Variants in RPL37 observed in about 807,000 individuals in gnomAD.
The protein encoded by RPL37 is ribosomal protein L37, also known as large ribosomal subunit protein eL37.
Under a neutral mutation model 14.8 loss-of-function variants are expected in RPL37, and 1 was observed. The ratio of observed to expected loss-of-function variants is 0.07; its 90% confidence interval spans 0.02 to 0.32. The LOEUF (loss-of-function observed/expected upper bound fraction) is 0.32, where lower values mean the gene tolerates loss of function less well. Among genes scored for constraint, RPL37 ranks in the 10% least tolerant of loss-of-function variants. RPL37 has a pLI of 1.00. For missense variants in RPL37, 100 were observed against 128.3 expected (o/e 0.78, Z 1.06); for synonymous variants, 53 against 45.8 (o/e 1.16, Z -0.63).
In RPL37 at chr5:40,828,316, C is replaced by CT. The variant is rs1745561827; in HGVS notation, c.*4187dup. Reference sequence around the variant, plus strand: ...TATCTGCAATTGTCTATTATGTCACCTTCCACAAACATACATACAGTATAT... The same window carrying CT: ...TATCTGCAATTGTCTATTATGTCACCTTTCCACAAACATACATACAGTATAT... On this transcript the variant is annotated 3_prime_UTR_variant, in exon 4 of 4. Transcript: ENST00000274242. 1 of 152,174 alleles carries CT rather than the reference C, an allele frequency of 6.6e-6. No individual in the cohort carries two copies. The highest frequency in any genetic ancestry group is 1.5e-5 in the Non-Finnish European group (1 of 68,042). 9.4% of individuals were successfully genotyped at this position (152,174 alleles called of 1,614,324 possible). A position where few individuals can be genotyped will look rare whatever the true frequency, so the allele number is the denominator to read the frequency against.
At chr5:40,834,329 AAC>A (rs1745714958) in intron 2 of RPL37, 64 bp from the exon 3 acceptor site, 6 of 1,569,318 alleles carry the variant, frequency 3.8e-6, no homozygotes, top group Admixed American at 3.4e-5. Flanking sequence ...AGGTGTTGTT[AAC>A]ACACGAGTTT....
chr5:40,835,205 C>G lies in RPL37; in HGVS notation c.-20G>C. ...CACCATCTCGCTTCTGCGGCCGAGACCAGAAAGACCGGAAGAGAAGGCACT... is the reference window on the plus strand; with the variant it reads ...CACCATCTCGCTTCTGCGGCCGAGAGCAGAAAGACCGGAAGAGAAGGCACT... On this transcript the variant is annotated 5_prime_UTR_variant, in exon 1 of 4. Coordinates refer to ENST00000274242, the MANE Select transcript of RPL37 (RefSeq NM_000997.5). The G allele has an allele frequency of 2.5e-6, 4 of 1,613,962 alleles. No individual in the cohort carries two copies. The highest frequency in any genetic ancestry group is 3.4e-6 in the Non-Finnish European group (4 of 1,179,950).
At position 40,827,093 on chromosome 5, in the gene RPL37, G is replaced by A. The variant is rs957030289; in HGVS notation, c.*5411C>T. The stretch of plus-strand genomic sequence containing the variant: ...CGAACCTGGCAGAGTATTTTAAATT[G>A]AGATGGGTCCATCAGATACAAGGAT... On this transcript the variant is annotated 3_prime_UTR_variant, in exon 4 of 4. Transcript: ENST00000274242. The A allele has an allele frequency of 6.6e-6, 1 of 152,166 alleles. No individual in the cohort carries two copies. The highest frequency in any genetic ancestry group is 1.5e-5 in the Non-Finnish European group (1 of 68,062). 9.4% of individuals were successfully genotyped at this position (152,166 alleles called of 1,614,324 possible). A position where few individuals can be genotyped will look rare whatever the true frequency, so the allele number is the denominator to read the frequency against.
rs1028740765 is a variant in RPL37 at position 40,825,397 on chromosome 5, T to C, written c.*7107A>G. On this transcript the variant is annotated 3_prime_UTR_variant, in exon 4 of 4. Transcript: ENST00000274242. ...TGCCTTTGCAAAACAAATGGAGATA[T>C]ATCAACTCTCATACAATTCTAAAAG... 2 of 152,232 alleles carry C rather than the reference T, an allele frequency of 1.3e-5. No homozygotes were observed. Among genetic ancestry groups the C allele is most frequent in the African/African-American group, 2.4e-5 (1 of 41,462 alleles). The allele number at this position is 152,232 out of a possible 1,614,324, so 9.4% of individuals were successfully genotyped here. A position where few individuals can be genotyped will look rare whatever the true frequency, so the allele number is the denominator to read the frequency against.
At chr5:40,832,645 A>G in intron 3 of RPL37, 72 bp from the exon 4 acceptor site, 1 of 1,107,332 alleles carries the variant, frequency 9.0e-7, no homozygotes, top group Non-Finnish European at 1.4e-6. Context: ...TTTGTTAAAC[A>G]GATTTCAATG....
intron 3 of RPL37, chr5:40,833,877 T>C: frequency 3.2e-6 from 1 of 312,164 alleles, no homozygotes; most frequent in Admixed American, 4.8e-5. Context: ...TATCCCATTC[T>C]CTACAATAAA....
Position 40,834,171 on chromosome 5 carries a change from C to T in RPL37, c.224+10G>A, listed in dbSNP as rs372022873. The T allele has an allele frequency of 2.0e-4, 316 of 1,601,280 alleles. No individual in the cohort carries two copies. The highest frequency in any genetic ancestry group is 2.5e-4 in the Non-Finnish European group (296 of 1,168,346). ...ACTGGACCAATTATGATCGAACATA[C>T]AAACTGTACCTGAATCTGCGGTATA... On this transcript the variant is annotated intron_variant, in intron 3 of 3. Transcript: ENST00000274242.
chr5:40,834,520 C>T lies in RPL37; in HGVS notation c.90G>A (p.Gln30=). ...AGCCACATTTGCCACAGGTCGACTT[C>T]TGAAGGTGGTAGGCCTTAGAGCCAC... is the stretch of plus-strand genomic sequence containing the variant. ...RRCGSKAYHL[Q]KSTCGKCGYP... The change falls in exon 2 of 4, where the codon CAG becomes CAA. Residue 30 remains glutamine (Q), a synonymous_variant. Coordinates refer to ENST00000274242, the MANE Select transcript of RPL37 (RefSeq NM_000997.5). 2 of 1,614,096 alleles carry T rather than the reference C, an allele frequency of 1.2e-6. No homozygotes were observed. The highest frequency in any genetic ancestry group is 1.7e-6 in the Non-Finnish European group (2 of 1,180,030).
In RPL37 at chr5:40,829,222, T is replaced by C. The variant is rs965648552; in HGVS notation, c.*3282A>G. ...GCCCCACAGCCACTGCCTTAGTCTG[T>C]CATGATTTTCACATGAACTATTTAA... is the stretch of plus-strand genomic sequence containing the variant. On this transcript the variant is annotated 3_prime_UTR_variant, in exon 4 of 4. Coordinates refer to ENST00000274242, the MANE Select transcript of RPL37 (RefSeq NM_000997.5). 1.3e-5 allele frequency: 2 copies of C among 152,242 alleles called. No homozygotes were observed. The highest frequency in any genetic ancestry group is 4.8e-5 in the African/African-American group (2 of 41,466). 9.4% of individuals were successfully genotyped at this position (152,242 alleles called of 1,614,324 possible).
chr5:40,833,979 A>C (rs1445385876), intron 3 of RPL37: 2 of 567,210 alleles, frequency 3.5e-6, no homozygotes, highest in Non-Finnish European at 6.3e-6. Context: ...GGGGAGACTG[A>C]GGCTGCACTG....
Position 40,832,425 on chromosome 5 carries a change from G to C in RPL37, c.*79C>G, listed in dbSNP as rs532676518. The C allele has an allele frequency of 1.9e-5, 23 of 1,221,572 alleles. No individual in the cohort carries two copies. In the East Asian group the frequency reaches 5.4e-4, roughly 28 times the overall value. 75.7% of individuals were successfully genotyped at this position (1,221,572 alleles called of 1,614,324 possible). On this transcript the variant is annotated 3_prime_UTR_variant, in exon 4 of 4. Transcript: ENST00000274242. ...TTTCACTGATACTACAAGCCTAATT[G>C]ATTAAAAATACCTTACCAAAACCAG...
rs753649453 is a variant in RPL37, at chr5:40,835,215, C to G, written c.-30G>C. 17 of 1,613,744 alleles carry G rather than the reference C, an allele frequency of 1.1e-5. No homozygotes were observed. The East Asian group carries it at 2.7e-4, about 25-fold the overall frequency. ...CTTCTGCGGCCGAGACCAGAAAGAC[C>G]GGAAGAGAAGGCACTTCCGCTATAT... On this transcript the variant is annotated 5_prime_UTR_variant, in exon 1 of 4. Coordinates refer to ENST00000274242, the MANE Select transcript of RPL37 (RefSeq NM_000997.5).
At chr5:40,832,797 A>G in intron 3 of RPL37, 1 of 616,754 alleles carries the variant, frequency 1.6e-6, no homozygotes, top group South Asian at 1.6e-5. Context: ...AACTGCAATA[A>G]AGGCTCAAAA....
intron 1 of RPL37, 28 bp from the exon 2 acceptor site, chr5:40,834,634 G>A (rs1031108826): frequency 1.3e-6 from 2 of 1,573,502 alleles, no homozygotes; most frequent in African/African-American, 1.4e-5. Flanking sequence ...AAATAGTTCT[G>A]AAACCTGGCA....
Position 40,831,958 on chromosome 5 carries a change from G to A in RPL37, c.*546C>T, listed in dbSNP as rs1745649010. ...CTAGCAGGCTTTTTTCACTTAGCTAGCCACCTTACACACAGCCCACAAGTC... is the reference window on the plus strand; with the variant it reads ...CTAGCAGGCTTTTTTCACTTAGCTAACCACCTTACACACAGCCCACAAGTC... On this transcript the variant is annotated 3_prime_UTR_variant, in exon 4 of 4. Coordinates refer to ENST00000274242, the MANE Select transcript of RPL37 (RefSeq NM_000997.5). 2 of 153,498 alleles carry A rather than the reference G, an allele frequency of 1.3e-5. No individual in the cohort carries two copies. Among genetic ancestry groups the A allele is most frequent in the Non-Finnish European group, 2.9e-5 (2 of 68,890 alleles). The allele number at this position is 153,498 out of a possible 1,614,324, so 9.5% of individuals were successfully genotyped here.
intron 3 of RPL37, among the ~76,000 whole-genome samples, chr5:40,833,307 A>G (rs183139056): frequency 1.4e-4 from 21 of 152,324 alleles, no homozygotes; most frequent in African/African-American, 4.6e-4. Context: ...TCCCACCACA[A>G]AGAATTATCC....
rs765688927 is a variant in RPL37 at position 40,825,313 on chromosome 5, G to C, written c.*7191C>G. 3 of 151,750 alleles carry C rather than the reference G, an allele frequency of 2.0e-5. No homozygotes were observed. The highest frequency in any genetic ancestry group is 4.8e-5 in the African/African-American group (2 of 41,322). The allele number at this position is 151,750 out of a possible 1,614,324, so 9.4% of individuals were successfully genotyped here. On this transcript the variant is annotated 3_prime_UTR_variant, in exon 4 of 4. Transcript: ENST00000274242. ...GAAATGCATTCCAGCAACACTGTCA[G>C]CATCTTTATTACCAAAGAAATACAT...
At position 40,829,782 on chromosome 5, in the gene RPL37, C is replaced by T. The variant is rs551495604; in HGVS notation, c.*2722G>A. ...CCGTCTCCCAGGTTCAAGCAATTCTCCTGCCTCAGCCTCCCTAGTAGCTGG... is the reference window on the plus strand; with the variant it reads ...CCGTCTCCCAGGTTCAAGCAATTCTTCTGCCTCAGCCTCCCTAGTAGCTGG... On this transcript the variant is annotated 3_prime_UTR_variant, in exon 4 of 4. Coordinates refer to ENST00000274242, the MANE Select transcript of RPL37 (RefSeq NM_000997.5). 2.6e-5 allele frequency: 4 copies of T among 152,194 alleles called. No individual in the cohort carries two copies. The South Asian group carries it at 8.3e-4, about 32-fold the overall frequency. The allele number at this position is 152,194 out of a possible 1,614,324, so 9.4% of individuals were successfully genotyped here.
At position 40,834,550 on chromosome 5, in the gene RPL37, G is replaced by A. The variant is rs774468737; in HGVS notation, c.60C>T (p.Arg20=). Residue 20 remains arginine, a synonymous_variant, in exon 2 of 4, where the codon CGC becomes CGT. Coordinates refer to ENST00000274242, the MANE Select transcript of RPL37 (RefSeq NM_000997.5). The part of the protein sequence containing the change: ...KRRNKTHTLC[R]RCGSKAYHLQ... ...GGTGGTAGGCCTTAGAGCCACAGCG[G>A]CGGCACAACGTGTGCGTCTTATTGC... 6.2e-7 allele frequency: 1 copy of A among 1,614,072 alleles called. No individual in the cohort carries two copies. The highest frequency in any genetic ancestry group is 1.1e-5 in the South Asian group (1 of 91,074).
Sources: allele counts gnomAD v4.1 joint callset (sites outside exome capture counted in the v4.1 genomes callset), GRCh38; gene constraint gnomAD v4.1.1; transcripts MANE v1.5; gene names NCBI Gene and HGNC (gene_info 2026-07-23, HGNC 2026-07-21).